FER: variants seen among roughly 807,000 people sequenced by gnomAD.
FER encodes FER tyrosine kinase.
A neutral mutation model predicts 111.0 loss-of-function variants in FER; 63 were observed. The observed-to-expected ratio is 0.57, with a 90% CI of 0.46 to 0.70. The LOEUF is 0.70. Among genes scored for constraint, FER ranks in the 30% least tolerant of loss-of-function variants. FER has a pLI of 0.00. For synonymous variants in FER, 327 were observed against 313.9 expected, an observed-to-expected ratio of 1.04 and a Z score of -0.44; for missense variants, 914 against 954.0, an observed-to-expected ratio of 0.96 and a Z score of 0.55.
chr5:108,819,743 G>GA, intron 3 of FER: 2 of 964,082 alleles, frequency 2.1e-6, no homozygotes, highest in Non-Finnish European at 2.5e-6. Context: ...ATGTGAGAGA[G>GA]AAAAAAAGCA....
At chr5:108,985,362 A>G (rs765251892) in intron 13 of FER, among the ~76,000 whole-genome samples, 2 of 151,944 alleles carry the variant, frequency 1.3e-5, no homozygotes, top group East Asian at 1.9e-4. Flanking sequence ...ACCTTTTAAT[A>G]TTTTTGTTTT....
At chr5:108,862,228 T>C (rs1763593126) in intron 5 of FER, among the ~76,000 whole-genome samples, 1 of 152,208 alleles carries the variant, frequency 6.6e-6, no homozygotes, top group Non-Finnish European at 1.5e-5. Context: ...TGTTGGTGAT[T>C]AAATTTTGGC....
chr5:109,134,714 A>G (rs1280357416), intron 17 of FER, among the ~76,000 whole-genome samples: 3 of 152,152 alleles, frequency 2.0e-5, no homozygotes, highest in African/African-American at 7.2e-5. Context: ...TCTCTCCTGG[A>G]TGAGTTCACA....
Position 109,068,381 on chromosome 5 carries a change from A to G in FER, c.1924+21183A>G, listed in dbSNP as rs530350698. Among the ~76,000 whole-genome samples the G allele has an allele frequency of 3.2e-4, 49 of 152,120 alleles. No homozygotes were observed. The East Asian group carries it at 8.1e-3, about 25-fold the overall frequency. On this transcript the variant is annotated intron_variant, in intron 16 of 19. Coordinates refer to ENST00000281092, the MANE Select transcript of FER (RefSeq NM_005246.4). ...GTGTTTTTTGTAGAGATGGGGTTTCACCATATTGGCCAGGCTGGTATCGAA... is the reference window on the plus strand; with the variant it reads ...GTGTTTTTTGTAGAGATGGGGTTTCGCCATATTGGCCAGGCTGGTATCGAA...
intron 17 of FER, among the ~76,000 whole-genome samples, chr5:109,149,271 A>G (rs1172281637): frequency 6.6e-6 from 1 of 152,146 alleles, no homozygotes; most frequent in Non-Finnish European, 1.5e-5. Context: ...CCCTTACTAC[A>G]AAGAGTACAA....
At chr5:109,032,044 T>C (rs1442205612) in intron 13 of FER, among the ~76,000 whole-genome samples, 1 of 152,192 alleles carries the variant, frequency 6.6e-6, no homozygotes, top group African/African-American at 2.4e-5. Context: ...TATCCTTATA[T>C]ACTGACAGTT....
At chr5:108,978,238 C>T (rs1325315889) in intron 13 of FER, among the ~76,000 whole-genome samples, 1 of 152,050 alleles carries the variant, frequency 6.6e-6, no homozygotes, top group Non-Finnish European at 1.5e-5. Context: ...CTTAAAATAC[C>T]CTAATGAATC....
At chr5:109,155,980 A>T (rs974149485) in intron 17 of FER, among the ~76,000 whole-genome samples, 1 of 152,048 alleles carries the variant, frequency 6.6e-6, no homozygotes, top group African/African-American at 2.4e-5. Context: ...AACAAGTGGC[A>T]AATAAGAGAA....
chr5:109,002,853 T>C (rs201912444), intron 13 of FER, among the ~76,000 whole-genome samples: 1 of 152,182 alleles, frequency 6.6e-6, no homozygotes, highest in African/African-American at 2.4e-5. Context: ...ATCCAAAAAA[T>C]ACATGAAAAA....
chr5:109,066,831 C>T (rs759605903), intron 16 of FER, among the ~76,000 whole-genome samples: 23 of 152,198 alleles, frequency 1.5e-4, no homozygotes, highest in Admixed American at 1.4e-3. Flanking sequence ...AAAGAAGTCA[C>T]ACTGTAATGG....
chr5:109,126,491 C>T (rs888769200), intron 17 of FER, among the ~76,000 whole-genome samples: 1 of 152,144 alleles, frequency 6.6e-6, no homozygotes, highest in Non-Finnish European at 1.5e-5. Flanking sequence ...TAAATCCAAG[C>T]ATGGTTACAA....
chr5:108,948,591 A>G (rs1264531440), intron 11 of FER, among the ~76,000 whole-genome samples: 2 of 152,082 alleles, frequency 1.3e-5, no homozygotes, highest in East Asian at 3.9e-4. Context: ...GTTAGACAGT[A>G]TTAATTACAT....
chr5:109,015,420 T>C (rs950618830), intron 13 of FER, among the ~76,000 whole-genome samples: 12 of 151,960 alleles, frequency 7.9e-5, no homozygotes, highest in Admixed American at 6.6e-4. Context: ...TAAGTAGTAG[T>C]TGGAGGGAGC....
intron 17 of FER, among the ~76,000 whole-genome samples, chr5:109,107,977 T>C (rs189563559): frequency 3.8e-4 from 58 of 152,274 alleles, no homozygotes; most frequent in African/African-American, 1.4e-3. Context: ...ATCCCAATTT[T>C]AATAACATGG....
intron 8 of FER, among the ~76,000 whole-genome samples, chr5:108,876,119 A>G (rs1765067345): frequency 6.6e-6 from 1 of 152,250 alleles, no homozygotes; most frequent in South Asian, 2.1e-4. Flanking sequence ...GGCATGAGTC[A>G]GCAAACTATA....
chr5:109,140,088 A>C (rs1753359366), intron 17 of FER, among the ~76,000 whole-genome samples: 1 of 152,230 alleles, frequency 6.6e-6, no homozygotes, highest in Admixed American at 6.5e-5. Context: ...TGAACAAAGT[A>C]TTTAGTTTTT....
At chr5:108,923,342 T>TA (rs1307645745) in intron 10 of FER, among the ~76,000 whole-genome samples, 3 of 152,004 alleles carry the variant, frequency 2.0e-5, no homozygotes, top group African/African-American at 7.2e-5. Flanking sequence ...GCAAGAAAAT[T>TA]AAAAAATTTT....
chr5:108,887,352 A>T (rs1747334931), intron 9 of FER, among the ~76,000 whole-genome samples: 1 of 151,694 alleles, frequency 6.6e-6, no homozygotes, highest in South Asian at 2.1e-4. Flanking sequence ...AAATTATATG[A>T]TAAATCATTT....
intron 10 of FER, among the ~76,000 whole-genome samples, chr5:108,912,178 T>G (rs545872485): frequency 1.3e-4 from 20 of 152,284 alleles, no homozygotes; most frequent in African/African-American, 4.8e-4. Flanking sequence ...AATTACCCAG[T>G]CTCAGGTATG....
Sources: gnomAD v4.1 joint callset for allele counts (sites outside exome capture counted in the v4.1 genomes callset) on GRCh38, gnomAD v4.1.1 for gene constraint, MANE v1.5 for transcripts, NCBI Gene and HGNC (gene_info 2026-07-23, HGNC 2026-07-21) for gene names.